Variants in WWC2 observed in about 807,000 individuals in gnomAD.
The protein encoded by WWC2 is protein WWC2.
In WWC2, 101 loss-of-function variants were observed where a neutral mutation model predicts 138.5. That is an observed-to-expected ratio of 0.73 (90% CI 0.62 to 0.86). WWC2 has a LOEUF of 0.86. Ranked by LOEUF, WWC2 falls within the 40% of genes least tolerant of loss-of-function variation. The probability of loss-of-function intolerance (pLI) is 0.00; values close to 1 mark genes in which losing one functional copy is unlikely to be tolerated. For synonymous variants in WWC2, 558 were observed against 538.4 expected (o/e 1.04, Z -0.50); for missense variants, 1,420 against 1,419.4 (o/e 1.00, Z -0.01).
At chr4:183,261,567 T>C in intron 11 of WWC2, 35 bp downstream of exon 11, 1 of 1,568,518 alleles carries the variant, frequency 6.4e-7, no homozygotes, top group South Asian at 1.2e-5. Context: ...GTATTCCCTG[T>C]TAGTGATTTT....
chr4:183,132,316 C>T (rs973538006), intron 1 of WWC2, among the ~76,000 whole-genome samples: 15 of 152,160 alleles, frequency 9.9e-5, no homozygotes, highest in Non-Finnish European at 2.1e-4. Flanking sequence ...CTAAATCCTA[C>T]AGGGAGTACT....
intron 8 of WWC2, among the ~76,000 whole-genome samples, chr4:183,252,453 C>G (rs777852698): frequency 6.6e-6 from 1 of 152,192 alleles, no homozygotes; most frequent in Non-Finnish European, 1.5e-5. Flanking sequence ...TTAGGACATT[C>G]GTACTGAGTC....
intron 15 of WWC2, 110 bp downstream of exon 15, chr4:183,269,273 C>A: frequency 9.4e-7 from 1 of 1,062,160 alleles, no homozygotes. Flanking sequence ...CAGACCTGCC[C>A]AACATCTTGG....
intron 2 of WWC2, among the ~76,000 whole-genome samples, chr4:183,202,193 G>T (rs1226304062): frequency 6.6e-6 from 1 of 152,130 alleles, no homozygotes; most frequent in African/African-American, 2.4e-5. Context: ...ATCTTCTCTG[G>T]GGGGTGGTGT....
At chr4:183,151,278 T>G (rs1733628377) in intron 1 of WWC2, among the ~76,000 whole-genome samples, 2 of 152,268 alleles carry the variant, frequency 1.3e-5, no homozygotes, top group Admixed American at 1.3e-4. Flanking sequence ...TTTGCATTTC[T>G]CTGATGGCCA....
intron 1 of WWC2, among the ~76,000 whole-genome samples, chr4:183,148,767 T>G (rs569048054): frequency 3.9e-5 from 6 of 152,336 alleles, no homozygotes; most frequent in African/African-American, 9.6e-5. Flanking sequence ...TAGAAGAAAC[T>G]GCTTCTTTCC....
chr4:183,276,056 A>G (rs910921833), intron 16 of WWC2, among the ~76,000 whole-genome samples: 1 of 152,076 alleles, frequency 6.6e-6, no homozygotes, highest in East Asian at 1.9e-4. Context: ...ACCTTTTATC[A>G]TTATAAAATG....
rs757965599 is a variant in WWC2, at chr4:183,261,541, A to C, written c.1909+9A>C. The C allele has an allele frequency of 6.2e-7, 1 of 1,604,752 alleles. No individual in the cohort carries two copies. The highest frequency in any genetic ancestry group is 1.3e-5 in the African/African-American group (1 of 74,574). The stretch of plus-strand genomic sequence containing the variant: ...ATATGAAGGAACTGCAGGTAAATGC[A>C]GCCCTTTGCTTTCATGTATTCCCTG... On this transcript the variant is annotated intron_variant, in intron 11 of 22. Coordinates refer to ENST00000403733, the MANE Select transcript of WWC2 (RefSeq NM_024949.6).
intron 1 of WWC2, among the ~76,000 whole-genome samples, chr4:183,160,262 T>G (rs1733922188): frequency 6.6e-6 from 1 of 152,254 alleles, no homozygotes; most frequent in South Asian, 2.1e-4. Flanking sequence ...ATTGCTTCTT[T>G]ATGTCACCCA....
At chr4:183,259,079 C>T (rs1314236785) in intron 9 of WWC2, among the ~76,000 whole-genome samples, 1 of 152,158 alleles carries the variant, frequency 6.6e-6, no homozygotes. Context: ...AGGTCATCCT[C>T]TTCCCTAAAC....
chr4:183,188,632 C>T (rs1020230494), intron 1 of WWC2, among the ~76,000 whole-genome samples: 28 of 145,814 alleles, frequency 1.9e-4, no homozygotes, highest in African/African-American at 6.0e-4. Flanking sequence ...CTCTCTCTCT[C>T]TTGCTCCTTT....
chr4:183,289,783 T>A (rs1201354245), intron 21 of WWC2, 148 bp downstream of exon 21: 1 of 1,281,174 alleles, frequency 7.8e-7, no homozygotes, highest in Non-Finnish European at 1.0e-6. Context: ...CCCACTGTTA[T>A]AGGCCCTTTT....
intron 1 of WWC2, among the ~76,000 whole-genome samples, chr4:183,103,842 G>T (rs552372424): frequency 6.7e-6 from 1 of 149,264 alleles, no homozygotes; most frequent in Admixed American, 6.7e-5. Context: ...CACCATGTTG[G>T]CCAGGATGAT....
In WWC2 at chr4:183,144,317, A is replaced by T. The variant is rs563069224; in HGVS notation, c.131+44695A>T. ...TTGAAAGGAAGTGGTTGCAGAGATA[A>T]TGTAAGATTATAGTTTGGTGAAATG... is the stretch of plus-strand genomic sequence containing the variant. On this transcript the variant is annotated intron_variant, in intron 1 of 22. Transcript: ENST00000403733. Among the ~76,000 whole-genome samples the T allele has an allele frequency of 1.5e-3, 235 of 152,296 alleles. 1 individual carries two copies. Among genetic ancestry groups the T allele is most frequent in the African/African-American group, 5.5e-3 (228 of 41,568 alleles).
intron 1 of WWC2, among the ~76,000 whole-genome samples, chr4:183,179,831 T>C (rs1226849247): frequency 1.3e-5 from 2 of 152,150 alleles, no homozygotes; most frequent in African/African-American, 2.4e-5. Context: ...CTCACTGTTT[T>C]CTCTAACAAA....
intron 2 of WWC2, among the ~76,000 whole-genome samples, chr4:183,194,950 T>G (rs1254760167): frequency 6.6e-6 from 1 of 152,236 alleles, no homozygotes; most frequent in Non-Finnish European, 1.5e-5. Flanking sequence ...GACTTTTTTG[T>G]AGAGCTATTA....
At chr4:183,300,652 C>T (rs566678799) in intron 21 of WWC2, among the ~76,000 whole-genome samples, 1 of 151,988 alleles carries the variant, frequency 6.6e-6, no homozygotes, top group African/African-American at 2.4e-5. Context: ...GGTATAGATA[C>T]AGATATAAAT....
At position 183,285,874 on chromosome 4, in the gene WWC2, A is replaced by G; in HGVS notation, c.3049-93A>G. The G allele has an allele frequency of 7.8e-6, 9 of 1,147,650 alleles. No individual in the cohort carries two copies. In the Admixed American group the frequency reaches 1.0e-4, roughly 13 times the overall value. The allele number at this position is 1,147,650 out of a possible 1,614,324, so 71.1% of individuals were successfully genotyped here. A position where few individuals can be genotyped will look rare whatever the true frequency, so the allele number is the denominator to read the frequency against. On this transcript the variant is annotated intron_variant, in intron 19 of 22. Coordinates refer to ENST00000403733, the MANE Select transcript of WWC2 (RefSeq NM_024949.6). ...AAGAAATAAACTCTTAACTATGACT[A>G]CCTGCTTTACTTGGTAAATGTCTCA... is the stretch of plus-strand genomic sequence containing the variant.
chr4:183,182,795 A>G (rs1240299989), intron 1 of WWC2, among the ~76,000 whole-genome samples: 1 of 152,254 alleles, frequency 6.6e-6, no homozygotes, highest in Admixed American at 6.5e-5. Flanking sequence ...GTCAGGAAAC[A>G]TATGTATCAA....
Sources: allele counts gnomAD v4.1 joint callset (sites outside exome capture counted in the v4.1 genomes callset), GRCh38; gene constraint gnomAD v4.1.1; transcripts MANE v1.5; gene names NCBI Gene and HGNC (gene_info 2026-07-23, HGNC 2026-07-21).